The following SLC41A3 variants were observed in gnomAD, a reference collection of about 807,000 sequenced individuals.
SLC41A3 encodes the protein solute carrier family 41 member 3.
In SLC41A3, 44 loss-of-function variants were observed where a neutral mutation model predicts 45.4. The observed-to-expected ratio is 0.97, with a 90% CI of 0.76 to 1.25. The LOEUF is 1.25. SLC41A3 is among the 50% of genes most tolerant of loss of function. SLC41A3 has a pLI of 0.00. For synonymous variants in SLC41A3, 256 were observed against 252.4 expected (o/e 1.01, Z -0.13); for missense variants, 550 against 600.6 (o/e 0.92, Z 0.88).
At chr3:126,082,413 A>G (rs1945202683) in intron 1 of SLC41A3, among the ~76,000 whole-genome samples, 1 of 152,208 alleles carries the variant, frequency 6.6e-6, no homozygotes, top group African/African-American at 2.4e-5. Context: ...CCCCCAAAAC[A>G]AAGAACTGCC....
intron 1 of SLC41A3, among the ~76,000 whole-genome samples, chr3:126,077,755 CTG>C (rs1944946605): frequency 1.3e-5 from 2 of 152,250 alleles, no homozygotes; most frequent in African/African-American, 2.4e-5. Flanking sequence ...GTGCCCCACA[CTG>C]TGCCTTGCAG....
intron 4 of SLC41A3, among the ~76,000 whole-genome samples, chr3:126,031,275 T>C (rs1238347434): frequency 6.6e-6 from 1 of 152,222 alleles, no homozygotes; most frequent in Non-Finnish European, 1.5e-5. Flanking sequence ...TAAAATAATT[T>C]TTAGTCATTT....
At chr3:126,063,706 G>C (rs139478681) in intron 2 of SLC41A3, among the ~76,000 whole-genome samples, 65 of 152,186 alleles carry the variant, frequency 4.3e-4, no homozygotes, top group Admixed American at 3.2e-3. Flanking sequence ...AGTCACTCCT[G>C]ATCCTCTCTA....
At chr3:126,050,602 C>G (rs970675474) in intron 3 of SLC41A3, among the ~76,000 whole-genome samples, 21 of 152,156 alleles carry the variant, frequency 1.4e-4, no homozygotes, top group African/African-American at 4.8e-4. Flanking sequence ...GTCGTGGCTT[C>G]TGTGTGAACG....
chr3:126,026,278 G>C lies in SLC41A3; in HGVS notation c.598+57C>G. On this transcript the variant is annotated intron_variant, in intron 5 of 10. Transcript: ENST00000360370. This position sits in a 1 kb window ranked among gnomAD's most constrained non-coding sequence, Gnocchi z 4.2. ...AACTGAAAACACAATGAGCTCTGAG[G>C]TGGGACCTCAGAGGAGCAGGGAGCG... is the stretch of plus-strand genomic sequence containing the variant. 1 of 1,546,350 alleles carries C rather than the reference G, an allele frequency of 6.5e-7. No homozygotes were observed. The highest frequency in any genetic ancestry group is 8.7e-7 in the Non-Finnish European group (1 of 1,143,952).
intron 10 of SLC41A3, among the ~76,000 whole-genome samples, chr3:126,008,213 T>C (rs1030985129): frequency 6.6e-6 from 1 of 152,242 alleles, no homozygotes; most frequent in African/African-American, 2.4e-5. Context: ...CAGTACATAA[T>C]GTGACGAGTG....
chr3:126,008,613 T>C (rs967361089), intron 10 of SLC41A3, 119 bp downstream of exon 10: 1 of 1,389,776 alleles, frequency 7.2e-7, no homozygotes, highest in Non-Finnish European at 1.0e-6. Flanking sequence ...AGATAAGGAC[T>C]GTGCCCCACA....
chr3:126,069,629 T>G (rs11714140), intron 1 of SLC41A3, among the ~76,000 whole-genome samples: 47,284 of 151,868 alleles, frequency 0.31, 7,610 homozygotes, highest in Middle Eastern at 0.43. Context: ...TAAAAAAAAT[T>G]AATAGAAACT....
chr3:126,024,042 T>A (rs938502406), intron 5 of SLC41A3: 1 of 152,116 alleles, frequency 6.6e-6, no homozygotes, highest in Admixed American at 6.5e-5. Context: ...GCTGATTCAG[T>A]GAGCTGGGGA....
intron 1 of SLC41A3, among the ~76,000 whole-genome samples, chr3:126,082,690 CCTTGG>C (rs1945222172): frequency 6.6e-6 from 1 of 152,230 alleles, no homozygotes; most frequent in Non-Finnish European, 1.5e-5. Flanking sequence ...GTGAGGTTGG[CCTTGG>C]ACCCAGGCCT....
intron 1 of SLC41A3, among the ~76,000 whole-genome samples, chr3:126,090,259 C>T (rs937654028): frequency 6.6e-6 from 1 of 152,072 alleles, no homozygotes; most frequent in Non-Finnish European, 1.5e-5. Flanking sequence ...GCAAAGCCAA[C>T]TTAGAAGGAG....
At chr3:126,087,408 AC>A (rs1399962954), upstream of SLC41A3, among the ~76,000 whole-genome samples, 6 of 152,112 alleles carry the variant, frequency 3.9e-5, no homozygotes, top group African/African-American at 1.4e-4. Context: ...TTGTAAACAA[AC>A]GTCATATAAT....
At chr3:126,041,731 T>G (rs1185811801) in intron 3 of SLC41A3, among the ~76,000 whole-genome samples, 1 of 152,064 alleles carries the variant, frequency 6.6e-6, no homozygotes, top group Non-Finnish European at 1.5e-5. Context: ...AAAAATAAAT[T>G]TAAAAGGAAG....
intron 1 of SLC41A3, among the ~76,000 whole-genome samples, chr3:126,070,650 C>T (rs1484227855): frequency 2.6e-5 from 4 of 152,080 alleles, no homozygotes; most frequent in South Asian, 4.1e-4. Flanking sequence ...GCAAAATTAT[C>T]TTTTCAAAGT....
rs1379722728 is a variant in SLC41A3 at position 126,022,833 on chromosome 3, G to A, written c.698C>T (p.Thr233Ile). 1.2e-6 allele frequency: 2 copies of A among 1,614,260 alleles called. No homozygotes were observed. Among genetic ancestry groups the A allele is most frequent in the Admixed American group, 1.7e-5 (1 of 60,024 alleles). The change falls in exon 6 of 11, where the codon ACA becomes ATA. Residue 233 changes from threonine (T) to isoleucine (I), a missense_variant. Thr to Ile is a moderately conservative substitution (Grantham distance 89, BLOSUM62 -1). Coordinates refer to ENST00000360370, the MANE Select transcript of SLC41A3 (RefSeq NM_017836.4). ...GCTAACCAAAGCCAGAATGGACAGT[G>A]TGATGAGGTCTCCCAGGCTGGCTGC... Reference protein sequence around the residue: ...PIAASLGDLITLSILALVSSF... With the variant: ...PIAASLGDLIILSILALVSSF...
upstream of SLC41A3, among the ~76,000 whole-genome samples, chr3:126,089,225 C>T (rs1176772108): frequency 1.3e-5 from 2 of 152,126 alleles, no homozygotes; most frequent in East Asian, 3.9e-4. Context: ...CTTGAGAAGC[C>T]TTATCAAATT....
intron 8 of SLC41A3, among the ~76,000 whole-genome samples, chr3:126,014,515 G>A (rs942411960): frequency 2.6e-5 from 4 of 152,184 alleles, no homozygotes; most frequent in Admixed American, 6.5e-5. Context: ...GAAGGCATCC[G>A]AGTTGGTGAC....
intron 3 of SLC41A3, among the ~76,000 whole-genome samples, chr3:126,050,313 T>C (rs1231725930): frequency 2.0e-5 from 3 of 152,260 alleles, no homozygotes; most frequent in East Asian, 1.9e-4. Context: ...GCCACAGTCT[T>C]TGTCACCTAC....
rs1030362223 is a variant in SLC41A3, at chr3:126,015,365, C to A, written c.970+129G>T. The stretch of plus-strand genomic sequence containing the variant: ...GCATCCCTGTAAGGCAGCAGTCTGT[C>A]CACGGCTCAGCTGCCCAACTGCCTG... On this transcript the variant is annotated intron_variant, in intron 8 of 10. Coordinates refer to ENST00000360370, the MANE Select transcript of SLC41A3 (RefSeq NM_017836.4). 1.6e-5 allele frequency: 14 copies of A among 866,408 alleles called. No homozygotes were observed. In the African/African-American group the frequency reaches 1.8e-4, roughly 11 times the overall value. 53.7% of individuals were successfully genotyped at this position (866,408 alleles called of 1,614,324 possible). A position where few individuals can be genotyped will look rare whatever the true frequency, so the allele number is the denominator to read the frequency against.
Sources: allele counts gnomAD v4.1 joint callset (sites outside exome capture counted in the v4.1 genomes callset), GRCh38; gene constraint gnomAD v4.1.1; non-coding constraint Gnocchi (gnomAD v3.1); transcripts MANE v1.5; gene names NCBI Gene and HGNC (gene_info 2026-07-23, HGNC 2026-07-21).